The following ZBTB4 variants were observed in gnomAD, a reference collection of about 807,000 sequenced individuals.
ZBTB4 encodes the protein zinc finger and BTB domain containing 4, also known as zinc finger and BTB domain-containing protein 4.
A neutral mutation model predicts 59.8 loss-of-function variants in ZBTB4; 14 were observed. That is an observed-to-expected ratio of 0.23 (90% CI 0.15 to 0.37). The LOEUF is 0.37. Among genes scored for constraint, ZBTB4 ranks in the 10% least tolerant of loss-of-function variants. ZBTB4 has a pLI of 1.00. For missense variants in ZBTB4, 1,198 were observed against 1,380.8 expected (o/e 0.87, Z 2.10); for synonymous variants, 587 against 575.2 (o/e 1.02, Z -0.29).
upstream of ZBTB4, chr17:7,481,380 G>A (rs1482681085): frequency 1.1e-5 from 14 of 1,258,662 alleles, no homozygotes; most frequent in African/African-American, 4.7e-5. Context: ...TGGACTCAGC[G>A]GGAAAATAGG....
In ZBTB4 at chr17:7,466,697, T is replaced by C; in HGVS notation, c.105A>G (p.Ile35Met). 6.2e-7 allele frequency: 1 copy of C among 1,609,822 alleles called. No individual in the cohort carries two copies. The highest frequency in any genetic ancestry group is 8.5e-7 in the Non-Finnish European group (1 of 1,178,636). ...LRGLFCDVTLIAGDTKFPAHR... is the reference protein window; with the variant it reads ...LRGLFCDVTLMAGDTKFPAHR... ...GAGCAGGGAACTTGGTGTCTCCGGC[T>C]ATGAGGGTGACGTCACAGAAGAGGC... The change falls in exon 3 of 4, where the codon ATA (isoleucine) becomes ATG (methionine). Residue 35 changes from isoleucine to methionine, a missense_variant. This residue lies in a region of ZBTB4 where 44 missense variants were observed against 86.2 expected (regional missense o/e 0.51). Coordinates refer to ENST00000380599, the MANE Select transcript of ZBTB4 (RefSeq NM_001128833.2). This position sits in a 1 kb window ranked among gnomAD's most constrained non-coding sequence, Gnocchi z 9.1.
chr17:7,468,029 G>T (rs796313767), intron 1 of ZBTB4, among the ~76,000 whole-genome samples: 4 of 152,308 alleles, frequency 2.6e-5, no homozygotes, highest in African/African-American at 9.6e-5. Context: ...CTTAAAAAGC[G>T]GCAGAATCAC....
At chr17:7,465,481 G>GA (rs1057211147) in intron 3 of ZBTB4, among the ~76,000 whole-genome samples, 2 of 145,600 alleles carry the variant, frequency 1.4e-5, no homozygotes, top group Non-Finnish European at 3.0e-5. Flanking sequence ...AAAAAAAAAA[G>GA]AAAAAAAAAT....
At chr17:7,476,950 G>A (rs558305928) in intron 1 of ZBTB4, among the ~76,000 whole-genome samples, 2 of 152,176 alleles carry the variant, frequency 1.3e-5, no homozygotes, top group African/African-American at 2.4e-5. Flanking sequence ...CTGATTGCCC[G>A]GGTTCAAATA....
chr17:7,466,042 C>A lies in ZBTB4; in HGVS notation c.760G>T (p.Ala254Ser). The A allele has an allele frequency of 6.2e-7, 1 of 1,608,280 alleles. No individual in the cohort carries two copies. Among genetic ancestry groups the A allele is most frequent in the Non-Finnish European group, 8.5e-7 (1 of 1,176,600 alleles). ...IHPKRLQTHE[A>S]QCRRGASTRG... ...GTGCTGGCCCCTCGTCGGCACTGGGCCTCATGGGTCTGCAGCCGTTTGGGA... is the reference window on the plus strand; with the variant it reads ...GTGCTGGCCCCTCGTCGGCACTGGGACTCATGGGTCTGCAGCCGTTTGGGA... Residue 254 changes from alanine (A) to serine (S), a missense_variant, in exon 3 of 4, where the codon GCC (alanine) becomes TCC (serine). Physicochemically the swap from Ala to Ser is moderately conservative, Grantham distance 99. Transcript: ENST00000380599. This position sits in a 1 kb window ranked among gnomAD's most constrained non-coding sequence, Gnocchi z 9.1.
intron 1 of ZBTB4, among the ~76,000 whole-genome samples, chr17:7,468,901 A>C (rs916521006): frequency 5.9e-5 from 9 of 152,254 alleles, no homozygotes; most frequent in African/African-American, 2.2e-4. Flanking sequence ...TGATATTCCA[A>C]AGTTTTAACA....
chr17:7,469,670 T>C (rs971003947), intron 1 of ZBTB4, among the ~76,000 whole-genome samples: 8 of 149,684 alleles, frequency 5.3e-5, no homozygotes, highest in Non-Finnish European at 1.0e-4. Flanking sequence ...GAGGCTGAGG[T>C]AGGAGAATTG....
At chr17:7,468,063 G>C (rs2150857098) in intron 1 of ZBTB4, among the ~76,000 whole-genome samples, 1 of 152,318 alleles carries the variant, frequency 6.6e-6, no homozygotes, top group South Asian at 2.1e-4. Context: ...CCTCTTGCTG[G>C]GAGACTCGTC....
chr17:7,471,469 A>G (rs1415685078), intron 1 of ZBTB4, among the ~76,000 whole-genome samples: 1 of 152,150 alleles, frequency 6.6e-6, no homozygotes, highest in African/African-American at 2.4e-5. Context: ...TCAACACTCA[A>G]AATGGCCAGT....
At chr17:7,474,551 C>T (rs1350492415) in intron 1 of ZBTB4, among the ~76,000 whole-genome samples, 1 of 152,004 alleles carries the variant, frequency 6.6e-6, no homozygotes, top group Admixed American at 6.6e-5. Context: ...TTGTTCATTG[C>T]CGTATCTGAA....
chr17:7,466,654 C>T lies in ZBTB4; in HGVS notation c.148G>A (p.Ala50Thr). 6.2e-7 allele frequency: 1 copy of T among 1,613,692 alleles called. No homozygotes were observed. ...GCCTCTCTGAAGAAGGGACTTGAAG[C>T]AGCCAGGACGCTGCGGTGAGCAGGG... ...KFPAHRSVLA[A>T]SSPFFREALL... is the part of the protein sequence containing the mutation. Residue 50 changes from alanine (A) to threonine (T), a missense_variant, in exon 3 of 4, where the codon GCT (alanine) becomes ACT (threonine). Around this residue, in one of 9 missense-constraint regions of ZBTB4, gnomAD observed 44 missense variants for 86.2 expected, o/e 0.51. Transcript: ENST00000380599. The surrounding 1 kb of genome is among the most constrained non-coding windows in gnomAD (Gnocchi z 9.1).
upstream of ZBTB4, chr17:7,483,328 T>C (rs2070371886): frequency 4.5e-6 from 2 of 439,620 alleles, no homozygotes; most frequent in South Asian, 2.3e-5. Flanking sequence ...GAGAAGAGCA[T>C]TGGGGCTGGA....
intron 1 of ZBTB4, 44 bp from the exon 2 acceptor site, chr17:7,467,371 G>C (rs1476162030): frequency 1.9e-6 from 1 of 539,660 alleles, no homozygotes; most frequent in Non-Finnish European, 2.4e-6. Context: ...TAGAGGAGGA[G>C]CAGAAGAGGG....
In ZBTB4 at chr17:7,462,347, A is replaced by G. The variant is rs968004149; in HGVS notation, c.2635T>C (p.Leu879=). ...CCAGGTTCCCGGCCGCCCCCAATCA[A>G]GGCCAGTGGAAATTCCTGCACAGGT... ...YPPVQEFPLA[L]IGGGREPGGG... is the part of the protein sequence containing the mutation. Residue 879 remains leucine, a synonymous_variant, in exon 4 of 4, where the codon TTG becomes CTG. Transcript: ENST00000380599. This position sits in a 1 kb window ranked among gnomAD's most constrained non-coding sequence, Gnocchi z 7.5. 6.2e-7 allele frequency: 1 copy of G among 1,613,728 alleles called. No homozygotes were observed. Among genetic ancestry groups the G allele is most frequent in the African/African-American group, 1.3e-5 (1 of 74,860 alleles).
chr17:7,462,455 C>G lies in ZBTB4; in HGVS notation c.2527G>C (p.Glu843Gln). 1 of 1,613,846 alleles carries G rather than the reference C, an allele frequency of 6.2e-7. No homozygotes were observed. Among genetic ancestry groups the G allele is most frequent in the Non-Finnish European group, 8.5e-7 (1 of 1,180,000 alleles). The stretch of plus-strand genomic sequence containing the variant: ...ATAGGGTCCTGGAGTGAGGCGGTCT[C>G]GGAAGCTTCCTCAGCAGCAGTGCTC... ...GGSTAAEEAS[E>Q]TASLQDPIIS... is the part of the protein sequence containing the mutation. The change falls in exon 4 of 4, where the codon GAG (glutamate) becomes CAG (glutamine). Residue 843 changes from glutamate (E) to glutamine (Q), a missense_variant. This residue lies in a region of ZBTB4 where 211 missense variants were observed against 236.1 expected (regional missense o/e 0.89). Transcript: ENST00000380599. This position sits in a 1 kb window ranked among gnomAD's most constrained non-coding sequence, Gnocchi z 7.5.
chr17:7,482,647 A>G, upstream of ZBTB4: 7 of 1,612,040 alleles, frequency 4.3e-6, no homozygotes, highest in African/African-American at 1.3e-5. Context: ...GCCTCCCAAC[A>G]GTGGCCTTCC....
Position 7,466,538 on chromosome 17 carries a change from G to A in ZBTB4, c.264C>T (p.Ser88=), listed in dbSNP as rs755473992. 7 of 1,612,374 alleles carry A rather than the reference G, an allele frequency of 4.3e-6. No homozygotes were observed. The highest frequency in any genetic ancestry group is 5.1e-6 in the Non-Finnish European group (6 of 1,179,332). ...AAGAGGAAGAAGACGAGGAAGAGGA[G>A]GAGGAGGAAGAGGCAGCTGTGGTGG... ...PATTTAASSS[S]SSSSSSSSSS... The change falls in exon 3 of 4, where the codon TCC becomes TCT. Residue 88 remains serine (S), a synonymous_variant. Transcript: ENST00000380599. This position sits in a 1 kb window ranked among gnomAD's most constrained non-coding sequence, Gnocchi z 9.1.
chr17:7,472,329 T>C (rs2070209316), intron 1 of ZBTB4, among the ~76,000 whole-genome samples: 1 of 152,082 alleles, frequency 6.6e-6, no homozygotes. Flanking sequence ...TAGCTGGGAT[T>C]ACAGGCGCCT....
intron 2 of ZBTB4, 105 bp downstream of exon 2, chr17:7,467,152 A>T: frequency 1.8e-6 from 2 of 1,105,548 alleles, no homozygotes; most frequent in Non-Finnish European, 2.2e-6. Flanking sequence ...AACTCCTGAT[A>T]GCCATTTCAC....
Sources: gnomAD v4.1 joint callset for allele counts (sites outside exome capture counted in the v4.1 genomes callset) on GRCh38, gnomAD v4.1.1 for gene constraint, gnomAD v4.1.1 regional missense constraint, Gnocchi (gnomAD v3.1) non-coding constraint, MANE v1.5 for transcripts, NCBI Gene and HGNC (gene_info 2026-07-23, HGNC 2026-07-21) for gene names.